The following KIF6 variants were observed in gnomAD, a reference collection of about 807,000 sequenced individuals.
The protein encoded by KIF6 is kinesin family member 6, also known as kinesin-like protein KIF6.
KIF6 carries 106 observed loss-of-function variants against 112.7 expected under a neutral mutation model. The observed-to-expected ratio is 0.94, with a 90% confidence interval of 0.80 to 1.11. The LOEUF is 1.11. Among genes scored for constraint, KIF6 ranks in the 50% least tolerant of loss-of-function variants. The pLI, the probability that KIF6 is intolerant of heterozygous loss-of-function variation, is 0.00. For synonymous variants in KIF6, 339 were observed against 339.9 expected (o/e 1.00, Z 0.03); for missense variants, 929 against 964.0 (o/e 0.96, Z 0.48).
intron 18 of KIF6, 116 bp from the exon 19 acceptor site, chr6:39,357,490 C>T (rs1380304803): frequency 6.4e-6 from 4 of 628,652 alleles, no homozygotes; most frequent in Non-Finnish European, 1.1e-5. Flanking sequence ...GCTCTGTTGC[C>T]CAGGCTGGAG....
intron 19 of KIF6, among the ~76,000 whole-genome samples, chr6:39,355,860 C>T (rs931496700): frequency 6.6e-6 from 1 of 151,872 alleles, no homozygotes; most frequent in Admixed American, 6.6e-5. Context: ...CCCATGTAGC[C>T]TGTACCCAGC....
chr6:39,567,836 T>C (rs951974541), intron 10 of KIF6, among the ~76,000 whole-genome samples: 2 of 152,158 alleles, frequency 1.3e-5, no homozygotes, highest in African/African-American at 2.4e-5. Flanking sequence ...CTCGATCTCC[T>C]GACCTCGTGA....
At position 39,549,804 on chromosome 6, in the gene KIF6, G is replaced by T. The variant is rs143763355; in HGVS notation, c.1182-4116C>A. 3.9e-4 allele frequency among the ~76,000 whole-genome samples: 59 copies of T among 152,312 alleles called. 1 individual carries two copies. Among genetic ancestry groups the T allele is most frequent in the African/African-American group, 1.1e-3 (46 of 41,570 alleles). On this transcript the variant is annotated intron_variant, in intron 10 of 22. Transcript: ENST00000287152. Reference sequence around the variant, plus strand: ...ATGGCATAGCTATGTACATAGTTAAGCAGCAATTTAAGTGACGGCAAAGTG... The same window carrying T: ...ATGGCATAGCTATGTACATAGTTAATCAGCAATTTAAGTGACGGCAAAGTG...
chr6:39,604,427 A>C (rs977479307), intron 6 of KIF6, among the ~76,000 whole-genome samples: 4 of 152,154 alleles, frequency 2.6e-5, no homozygotes, highest in Non-Finnish European at 5.9e-5. Context: ...ACCTACCTTG[A>C]ACTTTTCTGG....
intron 13 of KIF6, among the ~76,000 whole-genome samples, chr6:39,470,773 G>C (rs1376230238): frequency 1.4e-5 from 2 of 145,792 alleles, no homozygotes; most frequent in Non-Finnish European, 3.1e-5. Context: ...AGACCCCTGA[G>C]CAGGACTGGC....
chr6:39,493,497 G>A (rs917021291), intron 13 of KIF6, among the ~76,000 whole-genome samples: 3 of 152,310 alleles, frequency 2.0e-5, no homozygotes, highest in Admixed American at 6.5e-5. Context: ...CTCACTAGAT[G>A]ATGTTCAACA....
At chr6:39,523,358 T>C (rs914816226) in intron 13 of KIF6, among the ~76,000 whole-genome samples, 3 of 152,078 alleles carry the variant, frequency 2.0e-5, no homozygotes, top group African/African-American at 7.2e-5. Context: ...AACAGAAATA[T>C]GGCCATGCTA....
At chr6:39,504,815 G>A (rs555648400) in intron 13 of KIF6, among the ~76,000 whole-genome samples, 18 of 152,276 alleles carry the variant, frequency 1.2e-4, no homozygotes, top group Admixed American at 4.6e-4. Context: ...CCTCTTTGAG[G>A]AGAACTACAA....
chr6:39,432,654 C>A (rs1771243507), intron 13 of KIF6, among the ~76,000 whole-genome samples: 1 of 152,130 alleles, frequency 6.6e-6, no homozygotes, highest in Non-Finnish European at 1.5e-5. Context: ...GCCTGGGAAT[C>A]CGCTTGTGTG....
chr6:39,636,448 T>C (rs996255073), intron 4 of KIF6, among the ~76,000 whole-genome samples: 2 of 151,980 alleles, frequency 1.3e-5, no homozygotes, highest in African/African-American at 4.8e-5. Context: ...CTAATGCTTA[T>C]CCCAACAAAT....
chr6:39,361,637 C>T (rs912518734), intron 17 of KIF6, among the ~76,000 whole-genome samples: 1 of 150,680 alleles, frequency 6.6e-6, no homozygotes, highest in Non-Finnish European at 1.5e-5. Flanking sequence ...AGAAGGTGGA[C>T]GACTGGCGAG....
intron 13 of KIF6, among the ~76,000 whole-genome samples, chr6:39,448,648 C>A (rs1304692338): frequency 1.3e-5 from 2 of 152,162 alleles, no homozygotes; most frequent in Non-Finnish European, 2.9e-5. Context: ...TTTTGTCCTA[C>A]CTCCCTGGCT....
Position 39,584,991 on chromosome 6 carries a change from A to C in KIF6, c.991-7T>G. On this transcript the variant is annotated splice_region_variant and splice_polypyrimidine_tract_variant and intron_variant, in intron 8 of 22. Transcript: ENST00000287152. ...TGCAGGTTGATATAGACTCCTAAGA[A>C]AGCAAAGTAACTTCTTAAAATATTA... The C allele has an allele frequency of 6.6e-7, 1 of 1,519,906 alleles. No homozygotes were observed. Among genetic ancestry groups the C allele is most frequent in the Non-Finnish European group, 9.1e-7 (1 of 1,096,744 alleles). 94.2% of individuals were successfully genotyped at this position (1,519,906 alleles called of 1,614,324 possible).
chr6:39,607,061 T>C (rs1782929760), intron 6 of KIF6, among the ~76,000 whole-genome samples: 2 of 152,170 alleles, frequency 1.3e-5, no homozygotes, highest in Non-Finnish European at 2.9e-5. Flanking sequence ...TCTTTCATTT[T>C]TTGTTGCTGT....
At chr6:39,574,114 T>C (rs1236561891) in intron 10 of KIF6, among the ~76,000 whole-genome samples, 1 of 152,238 alleles carries the variant, frequency 6.6e-6, no homozygotes, top group East Asian at 1.9e-4. Context: ...ACAATTTTAG[T>C]TTTCATTCTA....
At position 39,584,417 on chromosome 6, in the gene KIF6, T is replaced by TAAA. The variant is rs61215070; in HGVS notation, c.1077+478_1077+480dup. Reference sequence around the variant, plus strand: ...TCCAGCCTGAGCAAGACTCTGTCTCTAAAAAAAAAAAAAAAAAAAAAAAAA... The same window carrying TAAA: ...TCCAGCCTGAGCAAGACTCTGTCTCTAAAAAAAAAAAAAAAAAAAAAAAAAAAA... On this transcript the variant is annotated intron_variant, in intron 9 of 22. Coordinates refer to ENST00000287152, the MANE Select transcript of KIF6 (RefSeq NM_145027.6). 1.2e-3 allele frequency among the ~76,000 whole-genome samples: 53 copies of TAAA among 46,044 alleles called. 9 individuals carry two copies. The highest frequency in any genetic ancestry group is 0.017 in the Middle Eastern group (1 of 58). The allele number at this position is 46,044 out of a possible 152,430, so 30.2% of individuals were successfully genotyped here. A position where few individuals can be genotyped will look rare whatever the true frequency, so the allele number is the denominator to read the frequency against.
intron 22 of KIF6, among the ~76,000 whole-genome samples, chr6:39,340,342 G>C (rs772576870): frequency 3.1e-5 from 4 of 127,840 alleles, no homozygotes; most frequent in Non-Finnish European, 6.4e-5. Flanking sequence ...TAGAGGCTGC[G>C]GTCACTCCCC....
intron 3 of KIF6, among the ~76,000 whole-genome samples, chr6:39,709,608 C>T (rs115588721): frequency 0.01 from 1,528 of 152,168 alleles, 27 homozygotes; most frequent in African/African-American, 0.035. Flanking sequence ...CTGGTTTGGA[C>T]GAAGTAGAAA....
intron 15 of KIF6, among the ~76,000 whole-genome samples, chr6:39,405,345 C>A (rs1769007346): frequency 6.6e-6 from 1 of 152,150 alleles, no homozygotes; most frequent in Non-Finnish European, 1.5e-5. Context: ...ATGTTAGCTG[C>A]AAGTTTTAAA....
Sources: gnomAD v4.1 joint callset for allele counts (sites outside exome capture counted in the v4.1 genomes callset) on GRCh38, gnomAD v4.1.1 for gene constraint, MANE v1.5 for transcripts, NCBI Gene and HGNC (gene_info 2026-07-23, HGNC 2026-07-21) for gene names.